Variants in SHB observed in about 807,000 individuals in gnomAD.
The protein encoded by SHB is SH2 domain-containing adapter protein B.
In SHB, 20 loss-of-function variants were observed where a neutral mutation model predicts 52.3. That is an observed-to-expected ratio of 0.38 (90% CI 0.27 to 0.56). The LOEUF is 0.56. Ranked by LOEUF, SHB falls within the 20% of genes least tolerant of loss-of-function variation. The pLI is 0.71. For synonymous variants in SHB, 397 were observed against 316.5 expected, an observed-to-expected ratio of 1.25 and a Z score of -2.70; for missense variants, 825 against 723.3, an observed-to-expected ratio of 1.14 and a Z score of -1.61.
chr9:37,990,244 T>A (rs917135429), intron 2 of SHB, among the ~76,000 whole-genome samples: 15 of 152,094 alleles, frequency 9.9e-5, no homozygotes, highest in African/African-American at 3.6e-4. Context: ...CTCTAAACTG[T>A]CAAGGGTGTT....
intron 5 of SHB, among the ~76,000 whole-genome samples, chr9:37,925,841 G>A (rs57833647): frequency 0.13 from 19,790 of 152,248 alleles, 1,679 homozygotes; most frequent in South Asian, 0.22. Context: ...GACAGAATGA[G>A]CTTGTGCATT....
At chr9:38,057,395 T>C (rs1340944879) in intron 1 of SHB, among the ~76,000 whole-genome samples, 1 of 152,116 alleles carries the variant, frequency 6.6e-6, no homozygotes, top group Non-Finnish European at 1.5e-5. Context: ...GGAATTAGGG[T>C]TGGTTTCTGA....
At chr9:38,052,658 C>T (rs1406489403) in intron 1 of SHB, among the ~76,000 whole-genome samples, 3 of 152,184 alleles carry the variant, frequency 2.0e-5, no homozygotes, top group Non-Finnish European at 2.9e-5. Context: ...ACCCCCACTC[C>T]TTTCTAACTA....
At chr9:37,933,626 T>A (rs1832337881) in intron 5 of SHB, among the ~76,000 whole-genome samples, 1 of 152,172 alleles carries the variant, frequency 6.6e-6, no homozygotes, top group African/African-American at 2.4e-5. Flanking sequence ...TCTAAGAGAT[T>A]CTGATGCATG....
At chr9:37,944,591 A>G (rs563144930) in intron 5 of SHB, among the ~76,000 whole-genome samples, 2,000 of 152,176 alleles carry the variant, frequency 0.013, 50 homozygotes, top group African/African-American at 0.046. Flanking sequence ...CCTGGCAGGC[A>G]TTCGGCTTCC....
At chr9:37,968,142 A>G (rs950558447) in intron 3 of SHB, among the ~76,000 whole-genome samples, 9 of 152,220 alleles carry the variant, frequency 5.9e-5, no homozygotes, top group African/African-American at 2.2e-4. Flanking sequence ...GTAATACAGC[A>G]AGCCCCCTCT....
intron 5 of SHB, among the ~76,000 whole-genome samples, chr9:37,943,196 C>T (rs1832454388): frequency 6.6e-6 from 1 of 152,208 alleles, no homozygotes; most frequent in Admixed American, 6.5e-5. Flanking sequence ...CTTTTCTCCC[C>T]TGTGCATGGG....
chr9:38,025,998 T>C (rs1323725146), intron 1 of SHB, among the ~76,000 whole-genome samples: 2 of 152,196 alleles, frequency 1.3e-5, no homozygotes, highest in African/African-American at 4.8e-5. Flanking sequence ...TTAGACAGCT[T>C]AATTCGAGGC....
At chr9:37,958,029 C>T (rs934809809) in intron 3 of SHB, among the ~76,000 whole-genome samples, 2 of 152,282 alleles carry the variant, frequency 1.3e-5, no homozygotes, top group South Asian at 2.1e-4. Context: ...TTCTGAGAGA[C>T]GTGGAGAGCC....
Position 38,068,125 on chromosome 9 carries a change from G to T in SHB, c.521C>A (p.Ala174Asp). Residue 174 changes from alanine (A) to aspartate (D), a missense_variant, in exon 1 of 6, where the codon GCC becomes GAC. Physicochemically the swap from Ala to Asp is moderately radical, Grantham distance 126. Transcript: ENST00000377707. ...SSSERRPATP[A>D]EVRYISPKHR... is the part of the protein sequence containing the mutation. ...CTTGGGGGAGATGTAGCGCACCTCG[G>T]CCGGCGTGGCGGGCCGCCGCTCGCT... 6.9e-7 allele frequency: 1 copy of T among 1,459,232 alleles called. No individual in the cohort carries two copies. The allele number at this position is 1,459,232 out of a possible 1,614,324, so 90.4% of individuals were successfully genotyped here. A position where few individuals can be genotyped will look rare whatever the true frequency, so the allele number is the denominator to read the frequency against.
At chr9:38,002,137 A>C (rs1343125861) in intron 2 of SHB, among the ~76,000 whole-genome samples, 1 of 152,196 alleles carries the variant, frequency 6.6e-6, no homozygotes, top group Non-Finnish European at 1.5e-5. Context: ...TCTTAAAAAA[A>C]GGATAGCAAG....
At chr9:37,923,145 G>A (rs1832202785) in intron 5 of SHB, among the ~76,000 whole-genome samples, 1 of 152,216 alleles carries the variant, frequency 6.6e-6, no homozygotes, top group Non-Finnish European at 1.5e-5. Flanking sequence ...CCCAGAGTCA[G>A]TGCTCCTGAC....
chr9:38,008,334 C>A (rs751724149), intron 2 of SHB, among the ~76,000 whole-genome samples: 2 of 152,200 alleles, frequency 1.3e-5, no homozygotes, highest in Admixed American at 1.3e-4. Flanking sequence ...CACAGCTCTG[C>A]GGGTGAGCAC....
chr9:37,970,143 T>C (rs924633102), intron 3 of SHB, among the ~76,000 whole-genome samples: 1 of 152,194 alleles, frequency 6.6e-6, no homozygotes, highest in Non-Finnish European at 1.5e-5. Flanking sequence ...GACTGGGCAT[T>C]GTCCTGGGGA....
At chr9:38,042,179 TCTC>T (rs1821593152) in intron 1 of SHB, among the ~76,000 whole-genome samples, 1 of 152,132 alleles carries the variant, frequency 6.6e-6, no homozygotes, top group African/African-American at 2.4e-5. Flanking sequence ...TGTGCCCCTG[TCTC>T]CTCATCAGGG....
chr9:37,956,900 C>T (rs1832641997), intron 3 of SHB, among the ~76,000 whole-genome samples: 1 of 152,192 alleles, frequency 6.6e-6, no homozygotes, highest in Non-Finnish European at 1.5e-5. Context: ...TAGCACTGTG[C>T]CTGTACCTGT....
intron 5 of SHB, among the ~76,000 whole-genome samples, chr9:37,944,492 G>A (rs735741): frequency 0.41 from 61,838 of 151,990 alleles, 12,997 homozygotes; most frequent in Middle Eastern, 0.5. Context: ...AAGACCTTTC[G>A]ACTGAGTGTA....
chr9:38,003,695 T>C (rs1821046346), intron 2 of SHB, among the ~76,000 whole-genome samples: 1 of 152,234 alleles, frequency 6.6e-6, no homozygotes, highest in African/African-American at 2.4e-5. Context: ...TACATAGCTC[T>C]GACACTGTCC....
chr9:37,946,921 G>A (rs772661757), intron 5 of SHB, among the ~76,000 whole-genome samples: 32 of 152,262 alleles, frequency 2.1e-4, no homozygotes, highest in Non-Finnish European at 4.1e-4. Context: ...GAGTCCTGTC[G>A]CTGATGCCAC....
Sources: gnomAD v4.1 joint callset for allele counts (sites outside exome capture counted in the v4.1 genomes callset) on GRCh38, gnomAD v4.1.1 for gene constraint, MANE v1.5 for transcripts, NCBI Gene and HGNC (gene_info 2026-07-23, HGNC 2026-07-21) for gene names.